AP5M1: variants seen among roughly 807,000 people sequenced by gnomAD.
AP5M1 encodes adaptor related protein complex 5 subunit mu 1, also known as AP-5 complex subunit mu-1.
Under a neutral mutation model 52.3 loss-of-function variants are expected in AP5M1, and 44 were observed. That is an observed-to-expected ratio of 0.84 (90% CI 0.66 to 1.08). The LOEUF (loss-of-function observed/expected upper bound fraction) is 1.08. AP5M1 is among the 50% of genes least tolerant of loss of function. AP5M1 has a pLI of 0.00. For missense variants in AP5M1, 526 were observed against 568.4 expected, an observed-to-expected ratio of 0.93 and a Z score of 0.76; for synonymous variants, 213 against 199.0, an observed-to-expected ratio of 1.07 and a Z score of -0.59.
In AP5M1 at chr14:57,288,954, T is replaced by C. The variant is rs1885376211; in HGVS notation, c.*70T>C. The C allele has an allele frequency of 1.1e-6, 1 of 906,110 alleles. No individual in the cohort carries two copies. The highest frequency in any genetic ancestry group is 1.7e-6 in the Non-Finnish European group (1 of 585,738). 56.1% of individuals were successfully genotyped at this position (906,110 alleles called of 1,614,324 possible). A position where few individuals can be genotyped will look rare whatever the true frequency, so the allele number is the denominator to read the frequency against. ...GAAAATCATAATCTTATATTTTTAA[T>C]GTGGATGCATATAACCTGTGAGTGA... On this transcript the variant is annotated 3_prime_UTR_variant, in exon 8 of 8. Transcript: ENST00000261558.
chr14:57,289,366 G>A lies in AP5M1; in HGVS notation c.*482G>A, dbSNP rs902743878. The A allele has an allele frequency of 2.6e-5, 4 of 152,138 alleles. No homozygotes were observed. Among genetic ancestry groups the A allele is most frequent in the African/African-American group, 7.2e-5 (3 of 41,400 alleles). 9.4% of individuals were successfully genotyped at this position (152,138 alleles called of 1,614,324 possible). On this transcript the variant is annotated 3_prime_UTR_variant, in exon 8 of 8. Coordinates refer to ENST00000261558, the MANE Select transcript of AP5M1 (RefSeq NM_018229.4). ...TCTAAGTACTAAGCTCCTAGTATAA[G>A]GTGTTGTTACAGAATACCAGAGACC...
chr14:57,269,442 G>C, intron 1 of AP5M1, 54 bp downstream of exon 1: 2 of 1,585,764 alleles, frequency 1.3e-6, no homozygotes, highest in Non-Finnish European at 8.7e-7. Flanking sequence ...CGATGAAGTA[G>C]CATAGTTTTG....
intron 7 of AP5M1, among the ~76,000 whole-genome samples, chr14:57,287,173 T>C (rs1885329728): frequency 6.6e-6 from 1 of 152,078 alleles, no homozygotes; most frequent in Non-Finnish European, 1.5e-5. Flanking sequence ...CCTCATACAT[T>C]AAGGAGAATA....
rs777975803 is a variant in AP5M1, at chr14:57,280,286, G to A, written c.812G>A (p.Cys271Tyr). The A allele has an allele frequency of 1.2e-6, 2 of 1,614,018 alleles. No individual in the cohort carries two copies. The highest frequency in any genetic ancestry group is 1.7e-6 in the Non-Finnish European group (2 of 1,179,948). ...CTTCAGGATATTCTAGTTCACCCTT[G>A]TGTAACTTCTCTTGACTCTGCAATT... ...SPLQDILVHP[C>Y]VTSLDSAILT... is the part of the protein sequence containing the mutation. The change falls in exon 3 of 8, where the codon TGT (cysteine) becomes TAT (tyrosine). Residue 271 changes from cysteine to tyrosine, a missense_variant. By Grantham distance (194) the Cys-to-Tyr change is radical. This residue lies in a region of AP5M1 where 425 missense variants were observed against 430.6 expected (regional missense o/e 0.99). Coordinates refer to ENST00000261558, the MANE Select transcript of AP5M1 (RefSeq NM_018229.4).
In AP5M1 at chr14:57,274,381, G is replaced by T. The variant is rs769056857; in HGVS notation, c.212G>T (p.Ser71Ile). The T allele has an allele frequency of 6.2e-7, 1 of 1,614,170 alleles. No individual in the cohort carries two copies. Among genetic ancestry groups the T allele is most frequent in the Non-Finnish European group, 8.5e-7 (1 of 1,180,032 alleles). Residue 71 changes from serine to isoleucine, a missense_variant, in exon 2 of 8, where the codon AGT becomes ATT. Transcript: ENST00000261558. ...GATGATGATAAAGACTTCGTTGAGA[G>T]TCGTGATAGCTGTTCACGCATCAAT... ...LLDDDKDFVE[S>I]RDSCSRINKT... is the part of the protein sequence containing the mutation.
chr14:57,272,189 G>A (rs1884911329), intron 1 of AP5M1, among the ~76,000 whole-genome samples: 1 of 152,118 alleles, frequency 6.6e-6, no homozygotes, highest in African/African-American at 2.4e-5. Flanking sequence ...ATTTATGGAG[G>A]TAGCAAGTTG....
At position 57,286,338 on chromosome 14, in the gene AP5M1, A is replaced by T. The variant is rs765848003; in HGVS notation, c.1390+19A>T. 2 of 1,480,212 alleles carry T rather than the reference A, an allele frequency of 1.4e-6. No individual in the cohort carries two copies. The highest frequency in any genetic ancestry group is 2.3e-5 in the South Asian group (2 of 87,686). The allele number at this position is 1,480,212 out of a possible 1,614,324, so 91.7% of individuals were successfully genotyped here. On this transcript the variant is annotated intron_variant, in intron 7 of 7. Coordinates refer to ENST00000261558, the MANE Select transcript of AP5M1 (RefSeq NM_018229.4). ...AGTGCACGTAAGTTACACAGATTCAAACTAACTTAAGGGAATTAAAATGGT... is the reference window on the plus strand; with the variant it reads ...AGTGCACGTAAGTTACACAGATTCATACTAACTTAAGGGAATTAAAATGGT...
rs1296585680 is a variant in AP5M1, at chr14:57,294,454, TA to T, written c.*5571del. 1.3e-5 allele frequency: 2 copies of T among 151,914 alleles called. No homozygotes were observed. The highest frequency in any genetic ancestry group is 2.9e-5 in the Non-Finnish European group (2 of 67,850). 9.4% of individuals were successfully genotyped at this position (151,914 alleles called of 1,614,324 possible). Reference sequence around the variant, plus strand: ...CCTCTGCAGGTTATAAAGAGATAATTAGTGACTATATCTATTTTAAAACCCT... The same window carrying T: ...CCTCTGCAGGTTATAAAGAGATAATTGTGACTATATCTATTTTAAAACCCT... On this transcript the variant is annotated 3_prime_UTR_variant, in exon 8 of 8. Transcript: ENST00000261558.
chr14:57,270,382 C>T (rs530176548), intron 1 of AP5M1, among the ~76,000 whole-genome samples: 1 of 152,240 alleles, frequency 6.6e-6, no homozygotes, highest in East Asian at 1.9e-4. Context: ...TTTTTTGTCA[C>T]AATTCGTTCT....
chr14:57,273,796 A>G (rs1462573427), intron 1 of AP5M1: 1 of 697,348 alleles, frequency 1.4e-6, no homozygotes, highest in Middle Eastern at 2.3e-4. Flanking sequence ...CATCTCAACT[A>G]ATGAATCCAA....
chr14:57,282,275 A>T (rs367982933), intron 4 of AP5M1, 47 bp downstream of exon 4: 21 of 1,370,258 alleles, frequency 1.5e-5, no homozygotes, highest in Non-Finnish European at 1.8e-5. Flanking sequence ...TCCTTAATAC[A>T]TTTCCACTGT....
rs1269820094 is a variant in AP5M1 at position 57,282,920 on chromosome 14, T to C, written c.1089-14T>C. The C allele has an allele frequency of 2.0e-6, 3 of 1,534,658 alleles. No homozygotes were observed. Among genetic ancestry groups the C allele is most frequent in the Non-Finnish European group, 2.7e-6 (3 of 1,129,024 alleles). On this transcript the variant is annotated splice_polypyrimidine_tract_variant and intron_variant, in intron 4 of 7. Coordinates refer to ENST00000261558, the MANE Select transcript of AP5M1 (RefSeq NM_018229.4). ...TCTATGATCTTTTTCTATTTTATCCTTTTCTTTTTAAAGAGGTCCAATTAC... is the reference window on the plus strand; with the variant it reads ...TCTATGATCTTTTTCTATTTTATCCCTTTCTTTTTAAAGAGGTCCAATTAC...
intron 2 of AP5M1, among the ~76,000 whole-genome samples, chr14:57,279,933 G>T (rs1192709860): frequency 6.6e-6 from 1 of 152,188 alleles, no homozygotes; most frequent in Non-Finnish European, 1.5e-5. Context: ...GTTTCAACAG[G>T]AATGGAGAAA....
Sources: allele counts gnomAD v4.1 joint callset (sites outside exome capture counted in the v4.1 genomes callset), GRCh38; gene constraint gnomAD v4.1.1; regional missense constraint gnomAD v4.1.1; transcripts MANE v1.5; gene names NCBI Gene and HGNC (gene_info 2026-07-23, HGNC 2026-07-21).